The following TNFSF11 variants were observed in gnomAD, a reference collection of about 807,000 sequenced individuals.
The protein encoded by TNFSF11 is tumor necrosis factor ligand superfamily member 11.
Under a neutral mutation model 32.2 loss-of-function variants are expected in TNFSF11, and 12 were observed. The ratio of observed to expected loss-of-function variants is 0.37; its 90% CI spans 0.24 to 0.60. The LOEUF is 0.60. TNFSF11 is among the 20% of genes least tolerant of loss of function. TNFSF11 has a pLI of 0.66. For missense variants in TNFSF11, 345 were observed against 398.0 expected, an observed-to-expected ratio of 0.87 and a Z score of 1.13; for synonymous variants, 172 against 152.1, an observed-to-expected ratio of 1.13 and a Z score of -0.96.
At chr13:42,604,858 A>G (rs946329274) in intron 4 of TNFSF11, among the ~76,000 whole-genome samples, 1 of 152,122 alleles carries the variant, frequency 6.6e-6, no homozygotes, top group Non-Finnish European at 1.5e-5. Context: ...ATCTTGGCTC[A>G]CTGCAACCTC....
chr13:42,602,909 A>G (rs1869255619), intron 4 of TNFSF11, among the ~76,000 whole-genome samples: 1 of 152,228 alleles, frequency 6.6e-6, no homozygotes. Flanking sequence ...CTCTCTCTGC[A>G]GGCACCTAGC....
intron 2 of TNFSF11, among the ~76,000 whole-genome samples, chr13:42,597,746 GT>G (rs1409580549): frequency 6.6e-6 from 1 of 152,228 alleles, no homozygotes; most frequent in African/African-American, 2.4e-5. Flanking sequence ...CCAGCAGCCT[GT>G]TTTAACACGC....
chr13:42,574,967 C>T (rs1873235783), intron 1 of TNFSF11, among the ~76,000 whole-genome samples: 1 of 152,246 alleles, frequency 6.6e-6, no homozygotes, highest in African/African-American at 2.4e-5. Flanking sequence ...CGCCCACCAC[C>T]CGGCGGGTTT....
Position 42,606,785 on chromosome 13 carries a change from C to T in TNFSF11, c.821C>T (p.Ser274Phe). The change falls in exon 5 of 5, where the codon TCC (serine) becomes TTC (phenylalanine). Residue 274 changes from serine to phenylalanine, a missense_variant. Physicochemically the swap from Ser to Phe is radical, Grantham distance 155. Around this residue, in one of 2 missense-constraint regions of TNFSF11, gnomAD observed 148 missense variants for 216.0 expected, o/e 0.69. Transcript: ENST00000398795. ...WSGNSEFHFYSINVGGFFKLR... is the reference protein window; with the variant it reads ...WSGNSEFHFYFINVGGFFKLR... ...GGGAATTCTGAATTCCATTTTTATT[C>T]CATAAACGTTGGTGGATTTTTTAAG... 1 of 1,613,692 alleles carries T rather than the reference C, an allele frequency of 6.2e-7. No individual in the cohort carries two copies. Among genetic ancestry groups the T allele is most frequent in the Non-Finnish European group, 8.5e-7 (1 of 1,179,752 alleles).
At chr13:42,597,791 T>C (rs923630648) in intron 2 of TNFSF11, among the ~76,000 whole-genome samples, 37 of 152,322 alleles carry the variant, frequency 2.4e-4, no homozygotes, top group African/African-American at 7.9e-4. Flanking sequence ...GCATACATGC[T>C]CAAGTTTGAG....
intron 1 of TNFSF11, among the ~76,000 whole-genome samples, chr13:42,576,475 T>C (rs1031931948): frequency 2.6e-5 from 4 of 152,148 alleles, no homozygotes; most frequent in African/African-American, 7.2e-5. Context: ...AACGTGTGAG[T>C]TAGTAAGTCT....
chr13:42,581,408 A>C (rs989064272), intron 2 of TNFSF11, 115 bp downstream of exon 2: 5 of 1,205,598 alleles, frequency 4.1e-6, no homozygotes, highest in Non-Finnish European at 5.9e-6. Flanking sequence ...TAATTTGTAA[A>C]AGAGCTACAG....
chr13:42,582,816 T>G (rs920168691), intron 2 of TNFSF11, among the ~76,000 whole-genome samples: 1 of 152,240 alleles, frequency 6.6e-6, no homozygotes, highest in African/African-American at 2.4e-5. Flanking sequence ...ATTCGTTTGC[T>G]TATTGTCCCA....
At chr13:42,573,713 G>A (rs1215949321), upstream of TNFSF11, among the ~76,000 whole-genome samples, 1 of 152,142 alleles carries the variant, frequency 6.6e-6, no homozygotes, top group East Asian at 1.9e-4. Context: ...CACTTTGGGG[G>A]GAGAGGTTGG....
chr13:42,567,135 A>G (rs1225213612), intron 2 of TNFSF11, among the ~76,000 whole-genome samples: 1 of 152,182 alleles, frequency 6.6e-6, no homozygotes, highest in African/African-American at 2.4e-5. Flanking sequence ...TGAAGTGGAG[A>G]CAGATTCAGG....
intron 2 of TNFSF11, among the ~76,000 whole-genome samples, chr13:42,582,810 G>A (rs561431532): frequency 9.9e-5 from 15 of 152,112 alleles, no homozygotes; most frequent in East Asian, 1.9e-4. Context: ...ATTTTCATTC[G>A]TTTGCTTATT....
intron 2 of TNFSF11, among the ~76,000 whole-genome samples, chr13:42,593,529 G>A (rs1409295738): frequency 6.6e-6 from 1 of 152,034 alleles, no homozygotes; most frequent in Non-Finnish European, 1.5e-5. Context: ...TGGAGAGGAG[G>A]GAATGGATTT....
chr13:42,576,133 A>G (rs530364302), intron 1 of TNFSF11, among the ~76,000 whole-genome samples: 1 of 152,376 alleles, frequency 6.6e-6, no homozygotes, highest in East Asian at 1.9e-4. Flanking sequence ...GTAGTTCTCC[A>G]CTGTTTATCT....
chr13:42,600,675 T>C (rs1869121260), intron 2 of TNFSF11, 77 bp from the exon 3 acceptor site: 31 of 1,460,442 alleles, frequency 2.1e-5, no homozygotes, highest in Non-Finnish European at 2.7e-5. Flanking sequence ...TTGTTGCATA[T>C]GTAACAGCCC....
At chr13:42,577,774 G>A (rs886257989) in intron 1 of TNFSF11, among the ~76,000 whole-genome samples, 8 of 152,116 alleles carry the variant, frequency 5.3e-5, no homozygotes, top group East Asian at 1.9e-4. Context: ...CACAGATAAC[G>A]AAGTAGCACA....
chr13:42,601,956 T>TC (rs1175024207), intron 4 of TNFSF11, among the ~76,000 whole-genome samples: 1 of 152,238 alleles, frequency 6.6e-6, no homozygotes, highest in Non-Finnish European at 1.5e-5. Flanking sequence ...AGAATTCCCG[T>TC]CCCGTTGATT....
intron 2 of TNFSF11, among the ~76,000 whole-genome samples, chr13:42,568,849 G>C (rs1594455067): frequency 6.6e-6 from 1 of 152,028 alleles, no homozygotes; most frequent in East Asian, 1.9e-4. Context: ...TAGCATGAGG[G>C]GCTGCATATA....
At chr13:42,596,263 A>G (rs1452213538) in intron 2 of TNFSF11, among the ~76,000 whole-genome samples, 1 of 152,106 alleles carries the variant, frequency 6.6e-6, no homozygotes, top group Non-Finnish European at 1.5e-5. Context: ...AGCCATAAAC[A>G]TGGGTTGGCC....
intron 2 of TNFSF11, among the ~76,000 whole-genome samples, chr13:42,600,514 C>T (rs912981784): frequency 9.9e-5 from 15 of 152,248 alleles, no homozygotes; most frequent in African/African-American, 3.4e-4. Flanking sequence ...TTCCTCTTAC[C>T]GTCCAAAGTA....
Sources: allele counts gnomAD v4.1 joint callset (sites outside exome capture counted in the v4.1 genomes callset), GRCh38; gene constraint gnomAD v4.1.1; regional missense constraint gnomAD v4.1.1; transcripts MANE v1.5; gene names NCBI Gene and HGNC (gene_info 2026-07-23, HGNC 2026-07-21).